DMD: variants seen among roughly 807,000 people sequenced by gnomAD.
DMD encodes the protein dystrophin.
In DMD, 63 loss-of-function variants were observed where a neutral mutation model predicts 330.1. The ratio of observed to expected loss-of-function variants is 0.19; its 90% CI spans 0.16 to 0.24. The LOEUF is 0.24. DMD is among the 10% of genes least tolerant of loss of function. The pLI, the probability that DMD is intolerant of heterozygous loss-of-function variation, is 1.00. For missense variants in DMD, 3,344 were observed against 2,684.1 expected, an observed-to-expected ratio of 1.25 and a Z score of -5.43; for synonymous variants, 1,223 against 959.8, an observed-to-expected ratio of 1.27 and a Z score of -5.07.
rs1160682035 is a variant in DMD at position 32,697,991 on chromosome X, A to T, written c.839T>A (p.Val280Asp). The T allele has an allele frequency of 1.5e-5, 18 of 1,193,987 alleles. No individual in the cohort carries two copies. Among genetic ancestry groups the T allele is most frequent in the Non-Finnish European group, 2.0e-5 (18 of 886,437 alleles). ...TCTCTCATATCCCTGTGCTAGACTG[A>T]CCGTGATCTGCAGAGAAGGGTTTGG... ...HQMHYSQQIT[V>D]SLAQGYERTS... The change falls in exon 9 of 79, where the codon GTC becomes GAC. Residue 280 changes from valine to aspartate, a missense_variant. Transcript: ENST00000357033.
chrX:31,976,725 T>C (rs1239541937), intron 44 of DMD, among the ~76,000 whole-genome samples: 1 of 111,701 alleles, frequency 9.0e-6, no homozygotes, highest in African/African-American at 3.3e-5. Flanking sequence ...AAAATATGTT[T>C]TGAGAAAGTG....
At chrX:31,646,253 T>TTA (rs2080090930) in intron 54 of DMD, among the ~76,000 whole-genome samples, 2 of 103,021 alleles carry the variant, frequency 1.9e-5, no homozygotes, top group Non-Finnish European at 4.0e-5. Flanking sequence ...GTGTTGTGTG[T>TTA]TGTGTGTGTG....
chrX:32,840,136 T>C (rs958901695), intron 4 of DMD, among the ~76,000 whole-genome samples: 3 of 112,108 alleles, frequency 2.7e-5, no homozygotes, highest in Non-Finnish European at 5.6e-5. Flanking sequence ...TAGGCCAGCA[T>C]CTTATGCAGC....
At chrX:31,927,594 T>C (rs985303622) in intron 47 of DMD, among the ~76,000 whole-genome samples, 7 of 110,464 alleles carry the variant, frequency 6.3e-5, no homozygotes, top group African/African-American at 2.3e-4. Context: ...AAAGTCTGTA[T>C]CTTTACACAG....
chrX:32,319,701 C>G (rs190689991), intron 41 of DMD, among the ~76,000 whole-genome samples: 2 of 110,840 alleles, frequency 1.8e-5, no homozygotes. Flanking sequence ...TAATCTGACT[C>G]ATTATACTTG....
chrX:33,221,337 A>G (rs1181921865), intron 1 of DMD, among the ~76,000 whole-genome samples: 1 of 111,500 alleles, frequency 9.0e-6, no homozygotes, highest in Admixed American at 9.6e-5. Flanking sequence ...TTCGTCTCAG[A>G]GAGGTACCTA....
chrX:32,419,181 A>C (rs1282335152), intron 29 of DMD, among the ~76,000 whole-genome samples: 1 of 110,850 alleles, frequency 9.0e-6, no homozygotes, highest in Non-Finnish European at 1.9e-5. Flanking sequence ...GTTTTCCAAA[A>C]AGAATAGAGT....
At chrX:32,459,795 A>C (rs1017770920) in intron 25 of DMD, among the ~76,000 whole-genome samples, 8 of 111,362 alleles carry the variant, frequency 7.2e-5, no homozygotes, top group Admixed American at 3.8e-4. Context: ...AGAATAAAGG[A>C]ATGTGTCATG....
At chrX:31,484,611 G>A (rs1254033001) in intron 57 of DMD, among the ~76,000 whole-genome samples, 1 of 111,706 alleles carries the variant, frequency 9.0e-6, no homozygotes, top group Non-Finnish European at 1.9e-5. Context: ...CTACACAGAT[G>A]TTTGTCCTTG....
chrX:31,372,635 A>C (rs1161177700), intron 60 of DMD, among the ~76,000 whole-genome samples: 1 of 111,917 alleles, frequency 8.9e-6, no homozygotes, highest in Non-Finnish European at 1.9e-5. Context: ...CTTCATGCTA[A>C]AAACTCTCAA....
intron 44 of DMD, among the ~76,000 whole-genome samples, chrX:31,980,805 C>T (rs1244086091): frequency 9.0e-6 from 1 of 111,693 alleles, no homozygotes; most frequent in South Asian, 3.7e-4. Flanking sequence ...TAAGAACAAA[C>T]TCTTCCTCCT....
intron 9 of DMD, among the ~76,000 whole-genome samples, chrX:32,668,378 A>C (rs2061439271): frequency 8.9e-6 from 1 of 112,020 alleles, no homozygotes; most frequent in African/African-American, 3.3e-5. Context: ...GAATGTAATC[A>C]CTATCAAAAC....
intron 1 of DMD, among the ~76,000 whole-genome samples, chrX:33,076,893 A>T (rs1392650939): frequency 9.0e-6 from 1 of 111,412 alleles, no homozygotes; most frequent in African/African-American, 3.3e-5. Context: ...AGTCTCCCCA[A>T]GCATTCGGGG....
intron 55 of DMD, among the ~76,000 whole-genome samples, chrX:31,620,090 A>G (rs1392960329): frequency 9.0e-6 from 1 of 111,693 alleles, no homozygotes; most frequent in Non-Finnish European, 1.9e-5. Flanking sequence ...AGGGTCCCAA[A>G]ATGGAAAATA....
At chrX:31,823,149 C>A (rs773421097) in intron 49 of DMD, among the ~76,000 whole-genome samples, 18 of 112,999 alleles carry the variant, frequency 1.6e-4, no homozygotes, top group Admixed American at 1.1e-3. Context: ...CAGGTGTGCT[C>A]TCATGGCAAC....
At chrX:33,313,865 T>C (rs927383452) in intron 1 of DMD, among the ~76,000 whole-genome samples, 1 of 111,411 alleles carries the variant, frequency 9.0e-6, no homozygotes, top group Non-Finnish European at 1.9e-5. Flanking sequence ...CACCTAGATA[T>C]CCATCTGCCT....
At chrX:33,337,311 A>G (rs184550886) in intron 1 of DMD, among the ~76,000 whole-genome samples, 130 of 111,458 alleles carry the variant, frequency 1.2e-3, no homozygotes, top group African/African-American at 4.1e-3. Flanking sequence ...AAAGTTGAAA[A>G]GTAACATTGG....
intron 1 of DMD, among the ~76,000 whole-genome samples, chrX:33,256,601 G>A (rs764152828): frequency 2.8e-5 from 3 of 108,896 alleles, no homozygotes; most frequent in Non-Finnish European, 5.8e-5. Flanking sequence ...CTTTTCAACC[G>A]AGAATGTACA....
chrX:32,901,806 G>A (rs2086271406), intron 2 of DMD, among the ~76,000 whole-genome samples: 1 of 109,891 alleles, frequency 9.1e-6, no homozygotes, highest in African/African-American at 3.4e-5. Flanking sequence ...TAAAGCAAGG[G>A]GTCAGTTGCG....
Sources: gnomAD v4.1 joint callset for allele counts (sites outside exome capture counted in the v4.1 genomes callset) on GRCh38, gnomAD v4.1.1 for gene constraint, MANE v1.5 for transcripts, NCBI Gene and HGNC (gene_info 2026-07-23, HGNC 2026-07-21) for gene names.